STOX2: variants seen among roughly 807,000 people sequenced by gnomAD.
STOX2 encodes the protein storkhead-box protein 2.
STOX2 carries 28 observed loss-of-function variants against 60.9 expected under a neutral mutation model. That is an observed-to-expected ratio of 0.46 (90% CI 0.34 to 0.63). The LOEUF (loss-of-function observed/expected upper bound fraction) is 0.63. Among genes scored for constraint, STOX2 ranks in the 30% least tolerant of loss-of-function variants. STOX2 has a pLI of 0.01. For synonymous variants in STOX2, 472 were observed against 463.9 expected (o/e 1.02, Z -0.22); for missense variants, 1,024 against 1,187.7 (o/e 0.86, Z 2.03).
chr4:183,945,191 G>A (rs1742853021), intron 1 of STOX2, among the ~76,000 whole-genome samples: 1 of 152,114 alleles, frequency 6.6e-6, no homozygotes, highest in South Asian at 2.1e-4. Flanking sequence ...GGCAAGGCAG[G>A]TATGTATTTT....
chr4:183,801,317 G>A (rs947256328), intron 1 of STOX2, among the ~76,000 whole-genome samples: 1 of 152,202 alleles, frequency 6.6e-6, no homozygotes, highest in African/African-American at 2.4e-5. Flanking sequence ...ACCCTTCAAA[G>A]GGTATACAGG....
chr4:183,917,936 T>G (rs1741978904), intron 1 of STOX2, among the ~76,000 whole-genome samples: 1 of 152,256 alleles, frequency 6.6e-6, no homozygotes, highest in South Asian at 2.1e-4. Context: ...AGTATCTAAT[T>G]TATAGTTGTT....
Position 183,865,356 on chromosome 4 carries a change from G to A in STOX2, c.364+67301G>A, listed in dbSNP as rs746645084. 6.6e-6 allele frequency among the ~76,000 whole-genome samples: 1 copy of A among 152,104 alleles called. No homozygotes were observed. The highest frequency in any genetic ancestry group is 2.4e-5 in the African/African-American group (1 of 41,396). On this transcript the variant is annotated intron_variant, in intron 1 of 2. Transcript: ENST00000513034. This position sits in a 1 kb window ranked among gnomAD's most constrained non-coding sequence, Gnocchi z 4.1. ...GGGATTGCTGTTTTACCTGTCTTTT[G>A]GTTCATGAGTTAGGCAGAGACTATA...
At chr4:183,980,460 C>T (rs1270475837) in intron 1 of STOX2, among the ~76,000 whole-genome samples, 2 of 152,102 alleles carry the variant, frequency 1.3e-5, no homozygotes, top group African/African-American at 4.8e-5. Flanking sequence ...GGAGTCTGTC[C>T]CCGGATACGG....
chr4:183,899,971 G>C (rs1344405114), intron 1 of STOX2, among the ~76,000 whole-genome samples: 1 of 152,172 alleles, frequency 6.6e-6, no homozygotes, highest in Non-Finnish European at 1.5e-5. Flanking sequence ...GTGACTTTAA[G>C]TTGAAGCCGA....
At chr4:183,904,258 T>C (rs970300600), upstream of STOX2, among the ~76,000 whole-genome samples, 1 of 152,230 alleles carries the variant, frequency 6.6e-6, no homozygotes, top group Non-Finnish European at 1.5e-5. Flanking sequence ...GCCTGGTTGC[T>C]AATGGGCCGA....
chr4:183,855,878 C>T (rs1740274649), intron 1 of STOX2, among the ~76,000 whole-genome samples: 1 of 152,182 alleles, frequency 6.6e-6, no homozygotes, highest in African/African-American at 2.4e-5. Context: ...TTTGAAGTGA[C>T]ATTTGGCATT....
chr4:183,898,861 T>C (rs1377064390), intron 1 of STOX2, among the ~76,000 whole-genome samples: 1 of 152,108 alleles, frequency 6.6e-6, no homozygotes, highest in Non-Finnish European at 1.5e-5. Flanking sequence ...GAAAAATGTG[T>C]TTATGGGTAC....
chr4:183,901,405 C>T (rs1410261252), upstream of STOX2, among the ~76,000 whole-genome samples: 1 of 152,124 alleles, frequency 6.6e-6, no homozygotes, highest in Non-Finnish European at 1.5e-5. Context: ...CGAGTCCCTG[C>T]TTTCACTTCT....
At chr4:183,847,003 T>C in intron 1 of STOX2, among the ~76,000 whole-genome samples, 2 of 152,240 alleles carry the variant, frequency 1.3e-5, no homozygotes, top group East Asian at 3.8e-4. Flanking sequence ...TGTATGTCCA[T>C]GGAAGCTTAT....
intron 1 of STOX2, among the ~76,000 whole-genome samples, chr4:183,809,461 C>T (rs1224737523): frequency 1.3e-5 from 2 of 152,068 alleles, no homozygotes; most frequent in Non-Finnish European, 2.9e-5. Flanking sequence ...TGCAGTGGCT[C>T]GATCTCGGCT....
intron 1 of STOX2, among the ~76,000 whole-genome samples, chr4:183,996,714 T>C (rs1733361792): frequency 6.6e-6 from 1 of 152,130 alleles, no homozygotes; most frequent in Non-Finnish European, 1.5e-5. Flanking sequence ...TCACTTAATA[T>C]ATAATTATTC....
At chr4:183,917,860 G>A (rs561890533) in intron 1 of STOX2, among the ~76,000 whole-genome samples, 6 of 152,346 alleles carry the variant, frequency 3.9e-5, no homozygotes, top group Admixed American at 3.9e-4. Flanking sequence ...TGCTGGCTGT[G>A]AAATCCTAAC....
chr4:183,997,125 A>T (rs1360434543), intron 1 of STOX2, among the ~76,000 whole-genome samples: 1 of 152,228 alleles, frequency 6.6e-6, no homozygotes, highest in Non-Finnish European at 1.5e-5. Flanking sequence ...CCAAACGCAC[A>T]TGCACACATG....
At chr4:184,007,202 T>C (rs1733909804) in intron 2 of STOX2, among the ~76,000 whole-genome samples, 1 of 152,136 alleles carries the variant, frequency 6.6e-6, no homozygotes, top group Non-Finnish European at 1.5e-5. Context: ...TCCGCCTTGG[T>C]CACTAAAGAT....
intron 3 of STOX2, chr4:184,014,092 G>A (rs1734266826): frequency 7.1e-6 from 1 of 139,884 alleles, no homozygotes; most frequent in Non-Finnish European, 1.5e-5. Context: ...ATAATTCACC[G>A]AGCAGCTAAG....
rs61681165 is a variant in STOX2 at position 183,995,291 on chromosome 4, C to CTT, written c.167-6003_167-6002dup. Among the ~76,000 whole-genome samples the CTT allele has an allele frequency of 3.5e-3, 278 of 79,442 alleles. 13 individuals are homozygous for CTT. The highest frequency in any genetic ancestry group is 0.015 in the African/African-American group (237 of 16,128). 52.1% of individuals were successfully genotyped at this position (79,442 alleles called of 152,430 possible). On this transcript the variant is annotated intron_variant, in intron 1 of 3. Coordinates refer to ENST00000308497, the MANE Select transcript of STOX2 (RefSeq NM_020225.3). ...ATAAAGGACAGGGCTTTATTTTAGT[C>CTT]TTTTTTTTTTTTTTTTTTTTTTTTT... is the stretch of plus-strand genomic sequence containing the variant.
intron 1 of STOX2, among the ~76,000 whole-genome samples, chr4:183,801,620 G>C (rs1298248396): frequency 6.6e-6 from 1 of 152,194 alleles, no homozygotes; most frequent in African/African-American, 2.4e-5. Context: ...TGTGCAGATG[G>C]AGATGGGGGT....
At chr4:183,925,133 C>G (rs77930964) in intron 1 of STOX2, among the ~76,000 whole-genome samples, 1 of 152,080 alleles carries the variant, frequency 6.6e-6, no homozygotes, top group Non-Finnish European at 1.5e-5. Context: ...TCGAATGAAG[C>G]CAGGGCTGAT....
Sources: gnomAD v4.1 joint callset for allele counts (sites outside exome capture counted in the v4.1 genomes callset) on GRCh38, gnomAD v4.1.1 for gene constraint, Gnocchi (gnomAD v3.1) non-coding constraint, MANE v1.5 for transcripts, NCBI Gene and HGNC (gene_info 2026-07-23, HGNC 2026-07-21) for gene names.